The following ATG9B variants were observed in gnomAD, a reference collection of about 807,000 sequenced individuals.
The protein encoded by ATG9B is autophagy-related protein 9B.
Under a neutral mutation model 92.9 loss-of-function variants are expected in ATG9B, and 92 were observed. That is an observed-to-expected ratio of 0.99 (90% CI 0.84 to 1.18). ATG9B has a LOEUF of 1.18. Among genes scored for constraint, ATG9B ranks in the 50% most tolerant of loss-of-function variants. The pLI, the probability that ATG9B is intolerant of heterozygous loss-of-function variation, is 0.00. For synonymous variants in ATG9B, 599 were observed against 551.4 expected, an observed-to-expected ratio of 1.09 and a Z score of -1.21; for missense variants, 1,344 against 1,235.0, an observed-to-expected ratio of 1.09 and a Z score of -1.32.
At position 151,015,965 on chromosome 7, in the gene ATG9B, C is replaced by A. The variant is rs1159326413; in HGVS notation, c.2706G>T (p.Leu902=). The change falls in exon 13 of 14, where the codon CTG becomes CTT. Residue 902 remains leucine, a synonymous_variant. Transcript: ENST00000639579. ...QQWGTQKARN[L]FPGGFQVTTD... The stretch of plus-strand genomic sequence containing the variant: ...TGGTCACCTGAAACCCTCCGGGGAA[C>A]AGATTCCGGGCCTTCTGGGTTCCCC... 1 of 1,551,682 alleles carries A rather than the reference C, an allele frequency of 6.4e-7. No homozygotes were observed. Among genetic ancestry groups the A allele is most frequent in the Non-Finnish European group, 8.7e-7 (1 of 1,146,992 alleles).
chr7:151,017,154 C>G lies in ATG9B; in HGVS notation c.2171G>C (p.Ser724Thr). The G allele has an allele frequency of 6.2e-7, 1 of 1,613,144 alleles. No homozygotes were observed. The highest frequency in any genetic ancestry group is 8.5e-7 in the Non-Finnish European group (1 of 1,179,842). ...CCAGAGGTGCCCAAGAAACTTAGAGCTGTGCCCTGGGGGGCGCCAGAGTGG... is the reference window on the plus strand; with the variant it reads ...CCAGAGGTGCCCAAGAAACTTAGAGGTGTGCCCTGGGGGGCGCCAGAGTGG... ...AHPLWRPPGHSSKFLGHLWGR... is the reference protein window; with the variant it reads ...AHPLWRPPGHTSKFLGHLWGR... The change falls in exon 9 of 14, where the codon AGC (serine) becomes ACC (threonine). Residue 724 changes from serine (S) to threonine (T), a missense_variant. By Grantham distance (58) the Ser-to-Thr change is moderately conservative. Transcript: ENST00000639579.
intron 8 of ATG9B, among the ~76,000 whole-genome samples, chr7:151,017,641 T>C (rs1423279124): frequency 6.6e-6 from 1 of 152,222 alleles, no homozygotes. Flanking sequence ...TCATAGGCTA[T>C]ACAGACATAA....
chr7:151,023,593 C>G, intron 2 of ATG9B, 84 bp from the exon 3 acceptor site: 2 of 1,609,910 alleles, frequency 1.2e-6, no homozygotes, highest in Non-Finnish European at 1.7e-6. Flanking sequence ...AGTCTCCCAC[C>G]CATGACGCCC....
At chr7:151,013,352 C>G (rs374904296), downstream of ATG9B, 13 of 1,613,586 alleles carry the variant, frequency 8.1e-6, no homozygotes, top group African/African-American at 1.3e-5. Context: ...TCCTCACCGC[C>G]TTCTCCCGGG....
Position 151,019,149 on chromosome 7 carries a change from C to G in ATG9B, c.1189G>C (p.Ala397Pro). ...AAGAGCAGCAGGTCGACATTGAGCG[C>G]CAGGCCGCGGCTGAGGAAAGCCGCA... ...GSAAFLSRGL[A>P]LNVDLLLFRG... Residue 397 changes from alanine (A) to proline (P), a missense_variant, in exon 6 of 14, where the codon GCG (alanine) becomes CCG (proline). Transcript: ENST00000639579. 1 of 1,536,070 alleles carries G rather than the reference C, an allele frequency of 6.5e-7. No homozygotes were observed. The highest frequency in any genetic ancestry group is 8.7e-7 in the Non-Finnish European group (1 of 1,146,598).
chr7:151,019,432 A>C, intron 5 of ATG9B, 58 bp from the exon 6 acceptor site: 1 of 1,483,394 alleles, frequency 6.7e-7, no homozygotes, highest in Non-Finnish European at 8.9e-7. Context: ...AGTGATGCTC[A>C]AGCTCCACAC....
In ATG9B at chr7:151,018,143, A is replaced by G; in HGVS notation, c.1873-93T>C. 6.8e-7 allele frequency: 1 copy of G among 1,470,466 alleles called. No individual in the cohort carries two copies. 91.1% of individuals were successfully genotyped at this position (1,470,466 alleles called of 1,614,324 possible). A position where few individuals can be genotyped will look rare whatever the true frequency, so the allele number is the denominator to read the frequency against. On this transcript the variant is annotated intron_variant, in intron 7 of 13. Coordinates refer to ENST00000639579, the MANE Select transcript of ATG9B (RefSeq NM_001317056.2). This position sits in a 1 kb window ranked among gnomAD's most constrained non-coding sequence, Gnocchi z 4.7. ...AGTCCCCAGCGACCCTCGCCAGGGC[A>G]AGAAGCCTCCCCACCCAGTCACTCC...
At chr7:151,013,438 C>A, downstream of ATG9B, 3 of 1,548,690 alleles carry the variant, frequency 1.9e-6, no homozygotes, top group Non-Finnish European at 2.6e-6. Flanking sequence ...GGAGGACTCG[C>A]GCTCTCCAGC....
In ATG9B at chr7:151,023,509, T is replaced by C. The variant is rs1795830300; in HGVS notation, c.595A>G (p.Ile199Val). Residue 199 changes from isoleucine to valine, a missense_variant and splice_region_variant, in exon 3 of 14, where the codon ATC (isoleucine) becomes GTC (valine). Transcript: ENST00000639579. Reference sequence around the variant, plus strand: ...CCATTCCGCTGGTGGTAGCTGTAGATGTGGCTGCGTGTCAAGGAACAAGCC... The same window carrying C: ...CCATTCCGCTGGTGGTAGCTGTAGACGTGGCTGCGTGTCAAGGAACAAGCC... ...IQNLDSFFTK[I>V]YSYHQRNGFA... is the part of the protein sequence containing the mutation. 1.9e-6 allele frequency: 3 copies of C among 1,612,678 alleles called. No individual in the cohort carries two copies. The highest frequency in any genetic ancestry group is 2.5e-6 in the Non-Finnish European group (3 of 1,179,418).
chr7:151,013,269 C>A, downstream of ATG9B: 1 of 1,613,964 alleles, frequency 6.2e-7, no homozygotes, highest in South Asian at 1.1e-5. Flanking sequence ...GTTCGGCTGC[C>A]GATGCTCCCA....
chr7:151,016,605 C>T (rs1009192092), intron 10 of ATG9B, 78 bp from the exon 11 acceptor site: 63 of 1,544,814 alleles, frequency 4.1e-5, no homozygotes, highest in Non-Finnish European at 5.4e-5. Flanking sequence ...TCTGAATCCC[C>T]CCTCAGCGCC....
downstream of ATG9B, chr7:151,013,610 A>C: frequency 4.6e-6 from 4 of 862,684 alleles, no homozygotes; most frequent in Non-Finnish European, 6.3e-6. Context: ...CAGGGCACGC[A>C]GGCCCCACCA....
chr7:151,016,431 C>T lies in ATG9B; in HGVS notation c.2520G>A (p.Gln840=), dbSNP rs1259227977. 2.1e-5 allele frequency: 33 copies of T among 1,551,278 alleles called. No homozygotes were observed. The highest frequency in any genetic ancestry group is 2.9e-5 in the Non-Finnish European group (33 of 1,146,862). ...CTCCTTTGGGCACCCCTCTACTCACCTGGTGCAGGTAGATGACATGGAGAC... is the reference window on the plus strand; with the variant it reads ...CTCCTTTGGGCACCCCTCTACTCACTTGGTGCAGGTAGATGACATGGAGAC... ...EMSLHVIYLH[Q]LHQQQQQQEP... is the part of the protein sequence containing the mutation. The change falls in exon 11 of 14, where the codon CAG becomes CAA. Residue 840 remains glutamine, a splice_region_variant and synonymous_variant. Coordinates refer to ENST00000639579, the MANE Select transcript of ATG9B (RefSeq NM_001317056.2).
intron 3 of ATG9B, 76 bp from the exon 4 acceptor site, chr7:151,023,282 A>C: frequency 6.2e-7 from 1 of 1,607,072 alleles, no homozygotes; most frequent in Non-Finnish European, 8.5e-7. Context: ...CCCAGCCCCC[A>C]GAGCAGCCCA....
chr7:151,013,792 G>C (rs144040397), downstream of ATG9B: 2,763 of 1,611,238 alleles, frequency 1.7e-3, 20 homozygotes, highest in South Asian at 4.8e-3. Flanking sequence ...GCCTCGAGCG[G>C]GGCCACATGT....
chr7:151,017,619 C>T (rs981655734), intron 8 of ATG9B, among the ~76,000 whole-genome samples: 1 of 152,190 alleles, frequency 6.6e-6, no homozygotes, highest in Non-Finnish European at 1.5e-5. Context: ...TTACTATGTG[C>T]CAGCAACTCC....
intron 8 of ATG9B, among the ~76,000 whole-genome samples, 155 bp from the exon 9 acceptor site, chr7:151,017,427 T>C (rs542370911): frequency 1.1e-4 from 17 of 152,296 alleles, no homozygotes; most frequent in African/African-American, 3.8e-4. Context: ...GTGCAGAACC[T>C]GGGCCTGTCA....
Position 151,015,707 on chromosome 7 carries a change from A to G in ATG9B, c.*21T>C. On this transcript the variant is annotated 3_prime_UTR_variant, in exon 14 of 14. Coordinates refer to ENST00000639579, the MANE Select transcript of ATG9B (RefSeq NM_001317056.2). The stretch of plus-strand genomic sequence containing the variant: ...CCAATCTCCTGTGGCTGCCGAAGCC[A>G]GGGTACCTGTGGGAGGAGACGGCTC... The G allele has an allele frequency of 1.2e-6, 1 of 858,032 alleles. No homozygotes were observed. Among genetic ancestry groups the G allele is most frequent in the Non-Finnish European group, 1.6e-6 (1 of 607,822 alleles). 53.2% of individuals were successfully genotyped at this position (858,032 alleles called of 1,614,324 possible).
chr7:151,021,445 A>G lies in ATG9B; in HGVS notation c.822-116T>C, dbSNP rs1014582710. The G allele has an allele frequency of 1.2e-5, 17 of 1,400,244 alleles. No homozygotes were observed. In the African/African-American group the frequency reaches 2.5e-4, roughly 20 times the overall value. 86.7% of individuals were successfully genotyped at this position (1,400,244 alleles called of 1,614,324 possible). On this transcript the variant is annotated intron_variant, in intron 4 of 13. Coordinates refer to ENST00000639579, the MANE Select transcript of ATG9B (RefSeq NM_001317056.2). ...AGGAGGGGGATCTAGCTAGACCAGCAGCTCTCAAGGTAGAGCCCGGGGCAG... is the reference window on the plus strand; with the variant it reads ...AGGAGGGGGATCTAGCTAGACCAGCGGCTCTCAAGGTAGAGCCCGGGGCAG...
Sources: allele counts gnomAD v4.1 joint callset (sites outside exome capture counted in the v4.1 genomes callset), GRCh38; gene constraint gnomAD v4.1.1; non-coding constraint Gnocchi (gnomAD v3.1); transcripts MANE v1.5; gene names NCBI Gene and HGNC (gene_info 2026-07-23, HGNC 2026-07-21).